PKHD1: variants seen among roughly 807,000 people sequenced by gnomAD.
The protein encoded by PKHD1 is PKHD1 ciliary IPT domain containing fibrocystin/polyductin.
PKHD1 carries 291 observed loss-of-function variants against 412.0 expected under a neutral mutation model. The observed-to-expected ratio is 0.71, with a 90% CI of 0.64 to 0.78. The LOEUF (loss-of-function observed/expected upper bound fraction) is 0.78, where lower values mean the gene tolerates loss of function less well. PKHD1 is among the 30% of genes least tolerant of loss of function. The pLI is 0.00. For synonymous variants in PKHD1, 1,777 were observed against 1,821.5 expected (o/e 0.98, Z 0.62); for missense variants, 4,825 against 4,950.7 (o/e 0.97, Z 0.76).
intron 35 of PKHD1, among the ~76,000 whole-genome samples, chr6:52,005,555 A>G (rs1166293622): frequency 6.6e-6 from 1 of 152,124 alleles, no homozygotes; most frequent in Admixed American, 6.5e-5. Flanking sequence ...GCATAGCACA[A>G]ATGCCACTGG....
At chr6:52,022,117 T>G (rs983603198) in intron 33 of PKHD1, among the ~76,000 whole-genome samples, 17 of 152,194 alleles carry the variant, frequency 1.1e-4, no homozygotes, top group Non-Finnish European at 2.1e-4. Context: ...CAGTGGGGTA[T>G]TACCATGTGT....
At chr6:51,873,764 A>T (rs920023027) in intron 46 of PKHD1, among the ~76,000 whole-genome samples, 1 of 152,232 alleles carries the variant, frequency 6.6e-6, no homozygotes, top group African/African-American at 2.4e-5. Context: ...GCACATTAAA[A>T]ACTTAAGGCC....
At chr6:51,626,858 T>C in intron 66 of PKHD1, 139 bp downstream of exon 66, 1 of 843,542 alleles carries the variant, frequency 1.2e-6, no homozygotes. Context: ...TGGGGTATAA[T>C]TTCTTTGAAG....
intron 64 of PKHD1, among the ~76,000 whole-genome samples, chr6:51,638,463 G>A (rs1348878437): frequency 6.6e-6 from 1 of 152,070 alleles, no homozygotes; most frequent in Non-Finnish European, 1.5e-5. Context: ...CCATTTGGCA[G>A]GGGGTTGAGG....
At chr6:51,782,698 C>T (rs1792223464) in intron 53 of PKHD1, among the ~76,000 whole-genome samples, 1 of 152,080 alleles carries the variant, frequency 6.6e-6, no homozygotes, top group Non-Finnish European at 1.5e-5. Context: ...GTGTCATTTT[C>T]TAATCATAGT....
chr6:51,933,169 A>T (rs1786919338), intron 37 of PKHD1, among the ~76,000 whole-genome samples: 1 of 152,194 alleles, frequency 6.6e-6, no homozygotes, highest in Non-Finnish European at 1.5e-5. Context: ...CTGATATTTT[A>T]CAGTTGATAC....
intron 35 of PKHD1, among the ~76,000 whole-genome samples, chr6:51,984,478 T>G (rs935581689): frequency 6.6e-6 from 1 of 152,250 alleles, no homozygotes; most frequent in East Asian, 1.9e-4. Context: ...AAAATTTACA[T>G]GTTGTCAGTT....
rs924485829 is a variant in PKHD1, at chr6:51,901,283, A to G, written c.6996+2314T>C. On this transcript the variant is annotated intron_variant, in intron 43 of 66. Coordinates refer to ENST00000371117, the MANE Select transcript of PKHD1 (RefSeq NM_138694.4). ...TTGGAACCAACCCAAATGTCCAACA[A>G]TGATAGACTGCATCAAGAAAACGTG... Among the ~76,000 whole-genome samples the G allele has an allele frequency of 5.3e-5, 8 of 152,362 alleles. No individual in the cohort carries two copies. The East Asian group carries it at 1.5e-3, about 29-fold the overall frequency.
At chr6:51,796,719 A>T (rs902184124) in intron 52 of PKHD1, among the ~76,000 whole-genome samples, 1 of 152,090 alleles carries the variant, frequency 6.6e-6, no homozygotes, top group African/African-American at 2.4e-5. Flanking sequence ...TGAGTTTCAA[A>T]TAACTCTTTG....
chr6:52,025,228 C>A lies in PKHD1; in HGVS notation c.4582G>T (p.Val1528Leu). 2 of 1,614,208 alleles carry A rather than the reference C, an allele frequency of 1.2e-6. No individual in the cohort carries two copies. The highest frequency in any genetic ancestry group is 8.5e-7 in the Non-Finnish European group (1 of 1,180,052). ...VFVDDQLPCN[V>L]TFFNASHVVC... ...ACGTGGCTTGCATTAAAAAAAGTTA[C>A]ATTGCAAGGAAGTTGATCATCCACA... The change falls in exon 32 of 67, where the codon GTA becomes TTA. Residue 1528 changes from valine to leucine, a missense_variant. Coordinates refer to ENST00000371117, the MANE Select transcript of PKHD1 (RefSeq NM_138694.4).
At chr6:51,651,485 T>A (rs777058725) in intron 61 of PKHD1, among the ~76,000 whole-genome samples, 12 of 152,150 alleles carry the variant, frequency 7.9e-5, no homozygotes, top group Middle Eastern at 3.2e-3. Context: ...GAATTTTTTA[T>A]AATACATCAA....
At chr6:51,716,521 C>T (rs1475850531) in intron 60 of PKHD1, among the ~76,000 whole-genome samples, 1 of 152,080 alleles carries the variant, frequency 6.6e-6, no homozygotes, top group Non-Finnish European at 1.5e-5. Context: ...CTTAGTGGGC[C>T]TTAAGTGCTG....
At chr6:52,076,740 T>C (rs574918123) in intron 5 of PKHD1, among the ~76,000 whole-genome samples, 2 of 152,322 alleles carry the variant, frequency 1.3e-5, no homozygotes, top group South Asian at 4.1e-4. Flanking sequence ...CTTGAAGATT[T>C]TGATTTTTCT....
At chr6:51,629,410 A>C (rs1011903927) in intron 65 of PKHD1, among the ~76,000 whole-genome samples, 2 of 152,114 alleles carry the variant, frequency 1.3e-5, no homozygotes, top group Admixed American at 1.3e-4. Flanking sequence ...AAGGACGTGA[A>C]CAGACACTTC....
At chr6:51,969,995 T>A (rs960359523) in intron 35 of PKHD1, among the ~76,000 whole-genome samples, 8 of 152,180 alleles carry the variant, frequency 5.3e-5, no homozygotes, top group Non-Finnish European at 1.0e-4. Context: ...CTATTTTTAG[T>A]TCTTTGAGAA....
chr6:51,681,389 A>G (rs987175174), intron 60 of PKHD1, among the ~76,000 whole-genome samples: 1 of 152,058 alleles, frequency 6.6e-6, no homozygotes, highest in Non-Finnish European at 1.5e-5. Context: ...TGGTTGACCA[A>G]CCACTGCTAT....
At chr6:52,007,143 T>C (rs1427908637) in intron 35 of PKHD1, among the ~76,000 whole-genome samples, 1 of 152,280 alleles carries the variant, frequency 6.6e-6, no homozygotes, top group Admixed American at 6.5e-5. Context: ...ATTGTGCTGC[T>C]ATAAACATGC....
At chr6:51,781,046 T>C (rs1357568512) in intron 53 of PKHD1, among the ~76,000 whole-genome samples, 1 of 152,160 alleles carries the variant, frequency 6.6e-6, no homozygotes, top group Non-Finnish European at 1.5e-5. Context: ...GTGTTTACTT[T>C]GGAAGTTGAG....
chr6:51,811,867 A>G (rs894496659), intron 52 of PKHD1, among the ~76,000 whole-genome samples: 3 of 152,220 alleles, frequency 2.0e-5, no homozygotes, highest in Admixed American at 2.0e-4. Context: ...AAAGGGCTAA[A>G]TGGTTCTTGA....
Sources: allele counts gnomAD v4.1 joint callset (sites outside exome capture counted in the v4.1 genomes callset), GRCh38; gene constraint gnomAD v4.1.1; transcripts MANE v1.5; gene names NCBI Gene and HGNC (gene_info 2026-07-23, HGNC 2026-07-21).